Variants in RAD54L2 observed in about 807,000 individuals in gnomAD.
RAD54L2 encodes helicase ARIP4.
A neutral mutation model predicts 138.4 loss-of-function variants in RAD54L2; 27 were observed. The observed-to-expected ratio is 0.20, with a 90% CI of 0.14 to 0.27. The LOEUF (loss-of-function observed/expected upper bound fraction) is 0.27, where lower values mean the gene tolerates loss of function less well. RAD54L2 is among the 10% of genes least tolerant of loss of function. RAD54L2 has a pLI of 1.00. For missense variants in RAD54L2, 1,396 were observed against 1,890.2 expected (o/e 0.74, Z 4.85); for synonymous variants, 644 against 723.2 (o/e 0.89, Z 1.76).
intron 19 of RAD54L2, among the ~76,000 whole-genome samples, chr3:51,649,852 T>C (rs1380837964): frequency 9.9e-5 from 15 of 152,140 alleles, no homozygotes; most frequent in Admixed American, 9.8e-4. Context: ...TAAAGACCAT[T>C]GATGCTAGGA....
intron 2 of RAD54L2, among the ~76,000 whole-genome samples, chr3:51,576,312 T>G (rs569716059): frequency 6.6e-6 from 1 of 152,202 alleles, no homozygotes; most frequent in East Asian, 1.9e-4. Context: ...AATTCTCTTT[T>G]TTTGTTGTGT....
At chr3:51,546,230 C>T (rs1443894466) in intron 2 of RAD54L2, among the ~76,000 whole-genome samples, 4 of 151,764 alleles carry the variant, frequency 2.6e-5, no homozygotes, top group East Asian at 3.9e-4. Flanking sequence ...TGAGCCACCA[C>T]GCCTGGCCAA....
intron 20 of RAD54L2, among the ~76,000 whole-genome samples, chr3:51,656,775 A>G (rs1396062147): frequency 6.6e-6 from 1 of 151,416 alleles, no homozygotes; most frequent in South Asian, 2.1e-4. Flanking sequence ...TTGGAGACAG[A>G]GTCTTGCTTT....
At chr3:51,660,680 G>A (rs1191015380) in intron 22 of RAD54L2, among the ~76,000 whole-genome samples, 2 of 148,566 alleles carry the variant, frequency 1.3e-5, no homozygotes, top group Middle Eastern at 3.8e-3. Flanking sequence ...GGAGTGCAAT[G>A]GTGCAATCTC....
At chr3:51,540,439 A>G (rs1698521286) in intron 1 of RAD54L2, among the ~76,000 whole-genome samples, 1 of 152,198 alleles carries the variant, frequency 6.6e-6, no homozygotes, top group African/African-American at 2.4e-5. Flanking sequence ...GACAATCTAT[A>G]TCATTGAAAG....
chr3:51,627,177 G>T (rs959733603), intron 3 of RAD54L2, among the ~76,000 whole-genome samples: 1 of 152,180 alleles, frequency 6.6e-6, no homozygotes, highest in African/African-American at 2.4e-5. Context: ...TCATACCACT[G>T]GGTATGAGCT....
chr3:51,651,345 T>C (rs1701429560), intron 19 of RAD54L2, among the ~76,000 whole-genome samples: 1 of 152,142 alleles, frequency 6.6e-6, no homozygotes, highest in Admixed American at 6.5e-5. Flanking sequence ...AGAGCTGAAT[T>C]CTACCAGAGG....
intron 2 of RAD54L2, among the ~76,000 whole-genome samples, chr3:51,574,728 T>C (rs565944318): frequency 1.3e-5 from 2 of 152,374 alleles, no homozygotes; most frequent in Admixed American, 1.3e-4. Context: ...TTAACTTCTT[T>C]GTAGATTCTG....
chr3:51,581,814 G>A (rs917903158), intron 2 of RAD54L2, among the ~76,000 whole-genome samples: 1 of 152,184 alleles, frequency 6.6e-6, no homozygotes, highest in East Asian at 1.9e-4. Flanking sequence ...AACCTGATCT[G>A]CTTTTAAGCT....
chr3:51,618,577 A>T lies in RAD54L2; in HGVS notation c.140-8976A>T, dbSNP rs1256270632. Among the ~76,000 whole-genome samples, 3 of 152,100 alleles carry T rather than the reference A, an allele frequency of 2.0e-5. No individual in the cohort carries two copies. The East Asian group carries it at 5.8e-4, about 29-fold the overall frequency. The stretch of plus-strand genomic sequence containing the variant: ...GGGTGACAGAGCAAGACTCTGTCTG[A>T]AAAAATAAAGAAAGAAGGACAGAGA... On this transcript the variant is annotated intron_variant, in intron 3 of 22. Transcript: ENST00000684192.
chr3:51,571,507 G>A (rs952132075), intron 2 of RAD54L2, among the ~76,000 whole-genome samples: 4 of 150,618 alleles, frequency 2.7e-5, no homozygotes, highest in Non-Finnish European at 5.9e-5. Context: ...TTCTCCCTCA[G>A]CCTCCCAAGT....
At chr3:51,543,281 C>G (rs1211481199) in intron 2 of RAD54L2, among the ~76,000 whole-genome samples, 2 of 152,044 alleles carry the variant, frequency 1.3e-5, no homozygotes, top group East Asian at 3.9e-4. Context: ...TAGTCAAATG[C>G]CCCCTCCATT....
chr3:51,568,190 C>T (rs1428658042), intron 2 of RAD54L2, among the ~76,000 whole-genome samples: 2 of 152,010 alleles, frequency 1.3e-5, no homozygotes, highest in Non-Finnish European at 2.9e-5. Flanking sequence ...CAGCTGTCAC[C>T]GTTGACTTAG....
At position 51,664,663 on chromosome 3, in the gene RAD54L2, A is replaced by C. The variant is rs1271798911; in HGVS notation, c.*1243A>C. ...ATCCTGGATGGATGGTAAATTGACC[A>C]GGGGAAGAGTTAGGTTTGACCAAGG... is the stretch of plus-strand genomic sequence containing the variant. On this transcript the variant is annotated 3_prime_UTR_variant, in exon 23 of 23. Transcript: ENST00000684192. The C allele has an allele frequency of 6.6e-6, 1 of 152,196 alleles. No individual in the cohort carries two copies. Among genetic ancestry groups the C allele is most frequent in the Non-Finnish European group, 1.5e-5 (1 of 68,022 alleles). 9.4% of individuals were successfully genotyped at this position (152,196 alleles called of 1,614,324 possible).
At chr3:51,574,790 G>C (rs1407482755) in intron 2 of RAD54L2, among the ~76,000 whole-genome samples, 1 of 152,146 alleles carries the variant, frequency 6.6e-6, no homozygotes, top group Non-Finnish European at 1.5e-5. Flanking sequence ...CTCCCATTCT[G>C]TAGGTTGCCT....
At chr3:51,574,678 C>T (rs1251109383) in intron 2 of RAD54L2, among the ~76,000 whole-genome samples, 1 of 152,148 alleles carries the variant, frequency 6.6e-6, no homozygotes. Flanking sequence ...CCTTTAACCA[C>T]TTTTTGATGG....
chr3:51,620,517 A>G (rs1231850933), intron 3 of RAD54L2, among the ~76,000 whole-genome samples: 1 of 150,408 alleles, frequency 6.6e-6, no homozygotes, highest in Non-Finnish European at 1.5e-5. Flanking sequence ...TTTTTATACA[A>G]TAGGAGAGAG....
intron 2 of RAD54L2, among the ~76,000 whole-genome samples, chr3:51,579,857 A>T (rs954685113): frequency 6.6e-6 from 1 of 152,208 alleles, no homozygotes; most frequent in Admixed American, 6.5e-5. Flanking sequence ...TCCATCTTCA[A>T]ACTTTCTGTT....
intron 2 of RAD54L2, among the ~76,000 whole-genome samples, chr3:51,588,534 C>CAAAAAAAA (rs71633079): frequency 2.0e-5 from 1 of 49,392 alleles, no homozygotes. Flanking sequence ...AACTGCATCT[C>CAAAAAAAA]AAAAAAAAAA....
Sources: allele counts gnomAD v4.1 joint callset (sites outside exome capture counted in the v4.1 genomes callset), GRCh38; gene constraint gnomAD v4.1.1; transcripts MANE v1.5; gene names NCBI Gene and HGNC (gene_info 2026-07-23, HGNC 2026-07-21).